The following PCOLCE2 variants were observed in gnomAD, a reference collection of about 807,000 sequenced individuals.
PCOLCE2 encodes the protein procollagen C-proteinase enhancer 2.
In PCOLCE2, 42 loss-of-function variants were observed where a neutral mutation model predicts 47.0. The observed-to-expected ratio is 0.89, with a 90% CI of 0.70 to 1.16. PCOLCE2 has a LOEUF of 1.16. Ranked by LOEUF, PCOLCE2 falls within the 50% of genes most tolerant of loss-of-function variation. The pLI is 0.00. For synonymous variants in PCOLCE2, 169 were observed against 191.7 expected (o/e 0.88, Z 0.98); for missense variants, 500 against 526.1 (o/e 0.95, Z 0.49).
intron 6 of PCOLCE2, 47 bp downstream of exon 6, chr3:142,829,645 T>C (rs757384270): frequency 2.0e-5 from 29 of 1,434,388 alleles, no homozygotes; most frequent in Non-Finnish European, 2.5e-5. Flanking sequence ...AGAATTCTTC[T>C]TATACTCCTA....
At chr3:142,836,071 C>T (rs1937200173) in intron 5 of PCOLCE2, among the ~76,000 whole-genome samples, 1 of 152,342 alleles carries the variant, frequency 6.6e-6, no homozygotes, top group Non-Finnish European at 1.5e-5. Flanking sequence ...GTTTCTAATG[C>T]AGGCATTATC....
intron 6 of PCOLCE2, among the ~76,000 whole-genome samples, chr3:142,824,441 G>A (rs1369063319): frequency 6.6e-6 from 1 of 152,130 alleles, no homozygotes; most frequent in Non-Finnish European, 1.5e-5. Context: ...GGTTAACAAC[G>A]TGAAAATAGT....
intron 2 of PCOLCE2, among the ~76,000 whole-genome samples, chr3:142,883,682 G>A (rs1361603655): frequency 2.7e-5 from 4 of 149,096 alleles, no homozygotes; most frequent in East Asian, 3.9e-4. Flanking sequence ...GCCTCCCAAC[G>A]TATGTCTACT....
At chr3:142,867,170 T>C (rs1369267598) in intron 2 of PCOLCE2, among the ~76,000 whole-genome samples, 1 of 152,126 alleles carries the variant, frequency 6.6e-6, no homozygotes, top group Non-Finnish European at 1.5e-5. Flanking sequence ...TTTTCCACCA[T>C]ATGTGGCAGT....
intron 2 of PCOLCE2, 21 bp downstream of exon 2, chr3:142,887,648 A>C: frequency 1.6e-6 from 2 of 1,234,484 alleles, no homozygotes; most frequent in Non-Finnish European, 2.4e-6. Flanking sequence ...CCAGGAGAAT[A>C]CCTTTTTAAA....
chr3:142,833,778 G>A (rs1356084745), intron 5 of PCOLCE2, among the ~76,000 whole-genome samples: 1 of 151,744 alleles, frequency 6.6e-6, no homozygotes, highest in East Asian at 1.9e-4. Context: ...TTTTCCTACT[G>A]GGTGGTTATC....
chr3:142,876,581 T>C (rs1185533543), intron 2 of PCOLCE2, among the ~76,000 whole-genome samples: 1 of 152,240 alleles, frequency 6.6e-6, no homozygotes, highest in East Asian at 1.9e-4. Context: ...AATTCTCTCA[T>C]GCATTTACTA....
intron 1 of PCOLCE2, 127 bp from the exon 2 acceptor site, chr3:142,887,904 C>A: frequency 1.7e-6 from 1 of 587,460 alleles, no homozygotes; most frequent in Non-Finnish European, 3.0e-6. Flanking sequence ...ATGCTTGCAC[C>A]ATATAAGGGA....
intron 2 of PCOLCE2, among the ~76,000 whole-genome samples, chr3:142,886,087 C>T (rs2108214253): frequency 6.6e-6 from 1 of 152,338 alleles, no homozygotes; most frequent in Middle Eastern, 3.4e-3. Context: ...AGGGAAGTGA[C>T]TGCTGAGCTC....
chr3:142,868,299 A>G (rs1170109074), intron 2 of PCOLCE2, among the ~76,000 whole-genome samples: 1 of 152,078 alleles, frequency 6.6e-6, no homozygotes, highest in African/African-American at 2.4e-5. Context: ...CAAAATTCTA[A>G]GCCCCCCAAC....
rs1937233414 is a variant in PCOLCE2, at chr3:142,838,830, T to C, written c.650A>G (p.Asn217Ser). 1 of 1,613,620 alleles carries C rather than the reference T, an allele frequency of 6.2e-7. No homozygotes were observed. The change falls in exon 5 of 9, where the codon AAT (asparagine) becomes AGT (serine). Residue 217 changes from asparagine (N) to serine (S), a missense_variant. Physicochemically the swap from Asn to Ser is conservative, Grantham distance 46 (BLOSUM62 1). Transcript: ENST00000295992. ...TCTAGCATCGTTGACTTCCCCGCCA[T>C]TAAACACAGCCACATAATCATATCG... ...YCRYDYVAVFNGGEVNDARRI... is the reference protein window; with the variant it reads ...YCRYDYVAVFSGGEVNDARRI...
chr3:142,819,426 G>A lies in PCOLCE2; in HGVS notation c.1118-961C>T, dbSNP rs190737979. Among the ~76,000 whole-genome samples the A allele has an allele frequency of 2.6e-5, 4 of 152,274 alleles. No homozygotes were observed. The East Asian group carries it at 5.8e-4, about 22-fold the overall frequency. Reference sequence around the variant, plus strand: ...TCATCACAGTGGTCTGTGAGAGCCTGAGAGTCTGGGCAGGTAATGCTGCCT... The same window carrying A: ...TCATCACAGTGGTCTGTGAGAGCCTAAGAGTCTGGGCAGGTAATGCTGCCT... On this transcript the variant is annotated intron_variant, in intron 8 of 8. Transcript: ENST00000295992.
chr3:142,870,334 A>C (rs975076500), intron 2 of PCOLCE2, among the ~76,000 whole-genome samples: 2 of 152,224 alleles, frequency 1.3e-5, no homozygotes, highest in African/African-American at 4.8e-5. Flanking sequence ...TGGACTGTTT[A>C]AATTTGGGCA....
chr3:142,864,531 A>G (rs1578045894), intron 2 of PCOLCE2: 2 of 152,336 alleles, frequency 1.3e-5, no homozygotes, highest in South Asian at 2.1e-4. Flanking sequence ...ACAAACCATA[A>G]TAACCCACTC....
At chr3:142,839,890 G>A (rs926243023) in intron 4 of PCOLCE2, among the ~76,000 whole-genome samples, 2 of 152,148 alleles carry the variant, frequency 1.3e-5, no homozygotes, top group African/African-American at 4.8e-5. Context: ...GGGAAAAGGG[G>A]CTACATACCT....
intron 3 of PCOLCE2, among the ~76,000 whole-genome samples, chr3:142,843,947 A>C (rs1008242730): frequency 1.3e-5 from 2 of 152,208 alleles, no homozygotes; most frequent in African/African-American, 2.4e-5. Flanking sequence ...AAGTATATAC[A>C]AAGTAAGTAG....
At chr3:142,821,827 T>G (rs1236475814) in intron 7 of PCOLCE2, among the ~76,000 whole-genome samples, 1 of 152,094 alleles carries the variant, frequency 6.6e-6, no homozygotes, top group Non-Finnish European at 1.5e-5. Flanking sequence ...GATGTTGTCT[T>G]TCTCACGGGG....
intron 2 of PCOLCE2, among the ~76,000 whole-genome samples, chr3:142,866,206 G>A (rs571458606): frequency 1.3e-5 from 2 of 152,300 alleles, no homozygotes; most frequent in African/African-American, 2.4e-5. Context: ...GTGGGTGCAC[G>A]TCCTCCAATC....
intron 2 of PCOLCE2, among the ~76,000 whole-genome samples, chr3:142,884,268 G>A (rs7639314): frequency 0.2 from 30,226 of 152,004 alleles, 3,321 homozygotes; most frequent in South Asian, 0.27. Flanking sequence ...AATACAGGTG[G>A]GAGTTATTGG....
Sources: allele counts gnomAD v4.1 joint callset (sites outside exome capture counted in the v4.1 genomes callset), GRCh38; gene constraint gnomAD v4.1.1; transcripts MANE v1.5; gene names NCBI Gene and HGNC (gene_info 2026-07-23, HGNC 2026-07-21).